APOLD1: variants seen among roughly 807,000 people sequenced by gnomAD.
The protein encoded by APOLD1 is apolipoprotein L domain-containing protein 1.
A neutral mutation model predicts 15.3 loss-of-function variants in APOLD1; 22 were observed. That is an observed-to-expected ratio of 1.44 (90% CI 1.03 to 2.05). The LOEUF (loss-of-function observed/expected upper bound fraction) is 2.05, where lower values mean the gene tolerates loss of function less well. Ranked by LOEUF, APOLD1 falls within the 30% of genes most tolerant of loss-of-function variation. The pLI is 0.00. For missense variants in APOLD1, 394 were observed against 353.5 expected, an observed-to-expected ratio of 1.11 and a Z score of -0.92; for synonymous variants, 190 against 167.4, an observed-to-expected ratio of 1.13 and a Z score of -1.04.
Position 12,787,874 on chromosome 12 carries a change from GA to G in APOLD1, c.*227del. 8.5e-6 allele frequency: 5 copies of G among 586,046 alleles called. No individual in the cohort carries two copies. The highest frequency in any genetic ancestry group is 2.8e-5 in the South Asian group (1 of 36,008). 36.3% of individuals were successfully genotyped at this position (586,046 alleles called of 1,614,324 possible). ...TACGGACTTTTCAGTCTTCCTAGTG[GA>G]AAAATGTGACCCAAAAACTCTTTTT... On this transcript the variant is annotated 3_prime_UTR_variant, in exon 2 of 2. Coordinates refer to ENST00000356591, the MANE Select transcript of APOLD1 (RefSeq NM_030817.3). This position sits in a 1 kb window ranked among gnomAD's most constrained non-coding sequence, Gnocchi z 4.9.
At chr12:12,749,416 C>T (rs1264503949) in intron 1 of APOLD1, among the ~76,000 whole-genome samples, 2 of 147,802 alleles carry the variant, frequency 1.4e-5, no homozygotes, top group African/African-American at 4.9e-5. Context: ...AACAAAAGGA[C>T]CAGAGGCTAC....
At position 12,756,527 on chromosome 12, in the gene APOLD1, AAACAT is replaced by A. The variant is rs1240039367; in HGVS notation, c.97-30374_97-30370del. ...TTTTTGTATTTTAAAAAATTGTGGT[AAACAT>A]AACATAAATTTATTATTTTACTGTT... On this transcript the variant is annotated intron_variant, in intron 1 of 1. Transcript: ENST00000326765. Among the ~76,000 whole-genome samples, 5 of 152,190 alleles carry A rather than the reference AAACAT, an allele frequency of 3.3e-5. No homozygotes were observed. In the East Asian group the frequency reaches 5.8e-4, roughly 18 times the overall value.
At chr12:12,726,710 C>A (rs932764685) in intron 1 of APOLD1, among the ~76,000 whole-genome samples, 1 of 152,200 alleles carries the variant, frequency 6.6e-6, no homozygotes, top group Non-Finnish European at 1.5e-5. Flanking sequence ...CTTAACTCCC[C>A]CAATCCTTCT....
chr12:12,760,745 A>G (rs372103683), intron 1 of APOLD1, among the ~76,000 whole-genome samples: 3 of 152,284 alleles, frequency 2.0e-5, no homozygotes, highest in East Asian at 3.9e-4. Context: ...AAGGCAAATC[A>G]ATAGAAATAT....
Position 12,787,789 on chromosome 12 carries a change from G to A in APOLD1, c.*137G>A. ...GGATGAGAAAAACTGTTTTTGAAGT[G>A]GGCAGGTCCCCAAAGCCCTTCTTTT... On this transcript the variant is annotated 3_prime_UTR_variant, in exon 2 of 2. Transcript: ENST00000356591. This position sits in a 1 kb window ranked among gnomAD's most constrained non-coding sequence, Gnocchi z 4.9. 7.8e-7 allele frequency: 1 copy of A among 1,278,326 alleles called. No homozygotes were observed. Among genetic ancestry groups the A allele is most frequent in the Non-Finnish European group, 1.1e-6 (1 of 946,742 alleles). The allele number at this position is 1,278,326 out of a possible 1,614,324, so 79.2% of individuals were successfully genotyped here.
At chr12:12,755,717 C>G in intron 1 of APOLD1, among the ~76,000 whole-genome samples, 1 of 152,148 alleles carries the variant, frequency 6.6e-6, no homozygotes, top group East Asian at 1.9e-4. Flanking sequence ...TGGCACATGC[C>G]TGTGTCTCAG....
upstream of APOLD1, among the ~76,000 whole-genome samples, chr12:12,784,148 T>C (rs1364596470): frequency 6.6e-6 from 1 of 152,184 alleles, no homozygotes; most frequent in African/African-American, 2.4e-5. Context: ...ATATTGATGC[T>C]CTGAGGAAGA....
intron 1 of APOLD1, among the ~76,000 whole-genome samples, chr12:12,747,789 A>G (rs1031730357): frequency 6.6e-6 from 1 of 152,242 alleles, no homozygotes; most frequent in African/African-American, 2.4e-5. Flanking sequence ...AGGAAGGAGC[A>G]CAATTAGGGA....
At position 12,787,088 on chromosome 12, in the gene APOLD1, GCTGAGCGCAACGGGCGCCCTCGCCGCCAT is replaced by G; in HGVS notation, c.185_213del (p.Leu62ArgfsTer120). 2 of 1,400,130 alleles carry G rather than the reference GCTGAGCGCAACGGGCGCCCTCGCCGCCAT, an allele frequency of 1.4e-6. No individual in the cohort carries two copies. The highest frequency in any genetic ancestry group is 1.8e-6 in the Non-Finnish European group (2 of 1,087,702). The allele number at this position is 1,400,130 out of a possible 1,614,324, so 86.7% of individuals were successfully genotyped here. A position where few individuals can be genotyped will look rare whatever the true frequency, so the allele number is the denominator to read the frequency against. On this transcript the variant is annotated frameshift_variant, in exon 2 of 2. Coordinates refer to ENST00000356591, the MANE Select transcript of APOLD1 (RefSeq NM_030817.3). LOFTEE classifies it high-confidence loss of function. This position sits in a 1 kb window ranked among gnomAD's most constrained non-coding sequence, Gnocchi z 4.9. ...TCGTAGCCAACGTGGCCGGCAGCTCGCTGAGCGCAACGGGCGCCCTCGCCGCCATCGTGGGGCTCTCGCTCAGCCCGGTC... is the reference window on the plus strand; with the variant it reads ...TCGTAGCCAACGTGGCCGGCAGCTCGCGTGGGGCTCTCGCTCAGCCCGGTC...
chr12:12,775,367 G>T (rs1947022921), intron 1 of APOLD1, among the ~76,000 whole-genome samples: 2 of 152,160 alleles, frequency 1.3e-5, no homozygotes, highest in South Asian at 2.1e-4. Flanking sequence ...GACAGTAATG[G>T]TGGATACATG....
intron 1 of APOLD1, chr12:12,786,565 G>A (rs971813869): frequency 2.7e-6 from 2 of 730,194 alleles, no homozygotes; most frequent in Non-Finnish European, 3.3e-6. Context: ...CCTCAGTACT[G>A]GAGAAGCCTT....
rs79746428 is a variant in APOLD1 at position 12,750,700 on chromosome 12, A to G, written c.96+24604A>G. Among the ~76,000 whole-genome samples, 8 of 152,296 alleles carry G rather than the reference A, an allele frequency of 5.3e-5. No individual in the cohort carries two copies. In the East Asian group the frequency reaches 1.5e-3, roughly 29 times the overall value. On this transcript the variant is annotated intron_variant, in intron 1 of 1. Coordinates refer to the APOLD1 transcript ENST00000326765. ...ATTGTTGATCCTCTGATATGTGGAC[A>G]GTATGGATAAACATAATAAAAATTA...
At chr12:12,751,189 T>C (rs1393428854) in intron 1 of APOLD1, among the ~76,000 whole-genome samples, 2 of 151,872 alleles carry the variant, frequency 1.3e-5, no homozygotes, top group Admixed American at 6.6e-5. Context: ...AGTAGGGTGG[T>C]ATGAGAGGGA....
Position 12,726,320 on chromosome 12 carries a change from T to G in APOLD1, c.96+224T>G, listed in dbSNP as rs7956514. 0.25 allele frequency: 160,157 copies of G among 639,614 alleles called. 22,519 individuals carry two copies. Among genetic ancestry groups the G allele is most frequent in the East Asian group, 0.44 (14,706 of 33,412 alleles). 39.6% of individuals were successfully genotyped at this position (639,614 alleles called of 1,614,324 possible). A position where few individuals can be genotyped will look rare whatever the true frequency, so the allele number is the denominator to read the frequency against. Reference sequence around the variant, plus strand: ...AGAGCGTTTTTGCGGGAGGAATATGTTAAAACAAACTCAAGATACGAAATG... The same window carrying G: ...AGAGCGTTTTTGCGGGAGGAATATGGTAAAACAAACTCAAGATACGAAATG... On this transcript the variant is annotated intron_variant, in intron 1 of 1. Transcript: ENST00000326765.
intron 1 of APOLD1, among the ~76,000 whole-genome samples, chr12:12,774,950 T>C (rs1947020676): frequency 6.6e-6 from 1 of 152,188 alleles, no homozygotes; most frequent in South Asian, 2.1e-4. Flanking sequence ...TGTGCCTTGG[T>C]ATTTACCCAA....
chr12:12,773,277 G>C (rs549505833), intron 1 of APOLD1, among the ~76,000 whole-genome samples: 4 of 152,302 alleles, frequency 2.6e-5, no homozygotes, highest in African/African-American at 9.6e-5. Context: ...CTAAGTAGAA[G>C]TGGCCAGTTA....
intron 1 of APOLD1, among the ~76,000 whole-genome samples, chr12:12,773,719 A>G (rs893946260): frequency 3.3e-5 from 5 of 152,246 alleles, no homozygotes; most frequent in African/African-American, 1.2e-4. Flanking sequence ...TAATCAAGAC[A>G]GTGTGGTATT....
chr12:12,786,868 C>T, intron 1 of APOLD1, 41 bp from the exon 2 acceptor site: 1 of 1,379,650 alleles, frequency 7.2e-7, no homozygotes, highest in Admixed American at 3.8e-5. Flanking sequence ...CGGCGGCTGG[C>T]ACGGAGACTC....
intron 1 of APOLD1, among the ~76,000 whole-genome samples, chr12:12,776,473 T>C (rs1947034872): frequency 6.6e-6 from 1 of 152,218 alleles, no homozygotes; most frequent in South Asian, 2.1e-4. Context: ...GCAGTCTTTC[T>C]GGCACCAGAA....
Sources: allele counts gnomAD v4.1 joint callset (sites outside exome capture counted in the v4.1 genomes callset), GRCh38; gene constraint gnomAD v4.1.1; non-coding constraint Gnocchi (gnomAD v3.1); transcripts MANE v1.5; gene names NCBI Gene and HGNC (gene_info 2026-07-23, HGNC 2026-07-21).